Variants in UPF3B observed in about 807,000 individuals in gnomAD.
UPF3B encodes UPF3B regulator of nonsense mediated mRNA decay.
In UPF3B, 7 loss-of-function variants were observed where a neutral mutation model predicts 40.3. That is an observed-to-expected ratio of 0.17 (90% confidence interval 0.10 to 0.33). UPF3B has a LOEUF of 0.33. Ranked by LOEUF, UPF3B falls within the 10% of genes least tolerant of loss-of-function variation. The pLI is 1.00. For synonymous variants in UPF3B, 117 were observed against 117.3 expected (o/e 1.00, Z 0.01); for missense variants, 229 against 358.9 (o/e 0.64, Z 2.93).
chrX:119,826,066 C>T (rs1452442047), intron 3 of UPF3B, among the ~76,000 whole-genome samples: 1 of 112,058 alleles, frequency 8.9e-6, no homozygotes, highest in East Asian at 2.8e-4. Flanking sequence ...GAGGCTGAGG[C>T]AGGAGAATCG....
intron 4 of UPF3B, among the ~76,000 whole-genome samples, chrX:119,816,621 A>C (rs1175112929): frequency 9.0e-6 from 1 of 111,405 alleles, no homozygotes; most frequent in Non-Finnish European, 1.9e-5. Flanking sequence ...CTAGACAAAG[A>C]GGCAAGGATG....
At chrX:119,820,406 C>T (rs1000272529) in intron 4 of UPF3B, among the ~76,000 whole-genome samples, 4 of 108,605 alleles carry the variant, frequency 3.7e-5, no homozygotes, top group Non-Finnish European at 5.7e-5. Context: ...CTACCTCAGC[C>T]TCCCAAAGTG....
Position 119,834,297 on chromosome X carries a change from A to T in UPF3B, c.*581T>A. ...ATAAGCAAACAAAAAACTAAAACTA[A>T]TCCTAAAACTTTAGGACACTGGATA... On this transcript the variant is annotated 3_prime_UTR_variant, in exon 11 of 11. Transcript: ENST00000276201. 5.3e-6 allele frequency: 4 copies of T among 755,603 alleles called. No individual in the cohort carries two copies. Among genetic ancestry groups the T allele is most frequent in the Non-Finnish European group, 6.3e-6 (4 of 639,960 alleles). The allele number at this position is 755,603 out of a possible 1,213,427, so 62.3% of individuals were successfully genotyped here.
At chrX:119,838,683 T>C (rs990502314) in intron 8 of UPF3B, among the ~76,000 whole-genome samples, 156 bp from the exon 9 acceptor site, 5 of 111,618 alleles carry the variant, frequency 4.5e-5, no homozygotes, top group Non-Finnish European at 7.5e-5. Context: ...TGCATAAGAG[T>C]AGTAATTTAC....
intron 3 of UPF3B, chrX:119,823,076 C>T: frequency 2.8e-6 from 2 of 702,749 alleles, no homozygotes; most frequent in Non-Finnish European, 3.4e-6. Flanking sequence ...ACTGTTACAA[C>T]AATGCTACTA....
intron 3 of UPF3B, among the ~76,000 whole-genome samples, chrX:119,848,926 A>G (rs759478965): frequency 2.7e-5 from 3 of 111,702 alleles, no homozygotes; most frequent in Non-Finnish European, 5.6e-5. Context: ...ATATACCAGA[A>G]ACCACTGAAT....
rs2056320568 is a variant in UPF3B at position 119,852,920 on chromosome X, T to C, written c.9A>G (p.Glu3=). 1 of 1,212,346 alleles carries C rather than the reference T, an allele frequency of 8.2e-7. No individual in the cohort carries two copies. Among genetic ancestry groups the C allele is most frequent in the Non-Finnish European group, 1.1e-6 (1 of 895,598 alleles). The change falls in exon 1 of 11, where the codon GAA becomes GAG. Residue 3 remains glutamate (E), a synonymous_variant. Transcript: ENST00000276201. MK[E]EKEHRPKEKR... ...TCTCCTTAGGCCTGTGCTCCTTCTCTTCCTTCATGGCTACGTCCCCCGCTG... is the reference window on the plus strand; with the variant it reads ...TCTCCTTAGGCCTGTGCTCCTTCTCCTCCTTCATGGCTACGTCCCCCGCTG...
intron 6 of UPF3B, among the ~76,000 whole-genome samples, chrX:119,806,255 T>G (rs1313899902): frequency 1.1e-5 from 1 of 94,680 alleles, no homozygotes; most frequent in Admixed American, 1.2e-4. Flanking sequence ...ACACCGCATA[T>G]TCTCACTCAT....
Position 119,852,870 on chromosome X carries a change from G to A in UPF3B, c.59C>T (p.Ala20Val). ...KEKRVTLLTP[A>V]GATGSGGGTS... The stretch of plus-strand genomic sequence containing the variant: ...CCCACCACCGCTGCCTGTGGCCCCG[G>A]CGGGGGTTAACAGGGTTACTCGCTT... Residue 20 changes from alanine to valine, a missense_variant, in exon 1 of 11, where the codon GCC (alanine) becomes GTC (valine). By Grantham distance (64) the Ala-to-Val change is moderately conservative. This residue lies in a region of UPF3B where 23 missense variants were observed against 21.0 expected (regional missense o/e 1.10). Transcript: ENST00000276201. 8.2e-7 allele frequency: 1 copy of A among 1,212,369 alleles called. No individual in the cohort carries two copies. The highest frequency in any genetic ancestry group is 1.1e-6 in the Non-Finnish European group (1 of 895,627).
At chrX:119,815,362 G>T in intron 4 of UPF3B, 1 of 600,935 alleles carries the variant, frequency 1.7e-6, no homozygotes, top group Non-Finnish European at 2.0e-6. Context: ...GCTTTTACGT[G>T]GGATTTTCAA....
Position 119,838,405 on chromosome X carries a change from C to T in UPF3B, c.969G>A (p.Lys323=). The T allele has an allele frequency of 8.3e-7, 1 of 1,212,105 alleles. No individual in the cohort carries two copies. ...CATCTTTAAGTTCGCTATCAGAACGCTTGGGCAATGTACAACTTTGCCCAC... is the reference window on the plus strand; with the variant it reads ...CATCTTTAAGTTCGCTATCAGAACGTTTGGGCAATGTACAACTTTGCCCAC... ...RASGQSCTLP[K]RSDSELKDEK... The change falls in exon 9 of 11, where the codon AAG becomes AAA. Residue 323 remains lysine (K), a synonymous_variant. Coordinates refer to ENST00000276201, the MANE Select transcript of UPF3B (RefSeq NM_080632.3).
At chrX:119,811,295 C>T (rs1466937967) in intron 5 of UPF3B, among the ~76,000 whole-genome samples, 1 of 110,875 alleles carries the variant, frequency 9.0e-6, no homozygotes, top group Non-Finnish European at 1.9e-5. Context: ...CCACCTGCTT[C>T]GGCCTCCCAA....
rs140270125 is a variant in UPF3B, at chrX:119,805,312, T to C, written c.*135A>G. On this transcript the variant is annotated 3_prime_UTR_variant, in exon 7 of 7. Coordinates refer to the UPF3B transcript ENST00000636792. ...TAATAAACACACTTAGCTTCATACTTGAATGTTGTTACTATTTATTGACAT... is the reference window on the plus strand; with the variant it reads ...TAATAAACACACTTAGCTTCATACTCGAATGTTGTTACTATTTATTGACAT... 1.8e-3 allele frequency: 377 copies of C among 215,096 alleles called. 1 individual carries two copies. The highest frequency in any genetic ancestry group is 0.011 in the African/African-American group (360 of 33,728). The allele number at this position is 215,096 out of a possible 1,213,427, so 17.7% of individuals were successfully genotyped here.
chrX:119,842,595 C>CACACACAT (rs1556379976), intron 5 of UPF3B, among the ~76,000 whole-genome samples: 6 of 85,663 alleles, frequency 7.0e-5, no homozygotes, highest in African/African-American at 3.1e-4. Context: ...CACACACACA[C>CACACACAT]ACACACACAT....
At chrX:119,846,997 A>AT (rs1231105922) in intron 3 of UPF3B, among the ~76,000 whole-genome samples, 12 of 112,789 alleles carry the variant, frequency 1.1e-4, no homozygotes, top group Non-Finnish European at 2.1e-4. Flanking sequence ...CAAAGATAAT[A>AT]TACAAATGGC....
intron 5 of UPF3B, among the ~76,000 whole-genome samples, chrX:119,842,725 T>C (rs779546064): frequency 1.8e-5 from 2 of 110,909 alleles, no homozygotes; most frequent in South Asian, 7.6e-4. Context: ...GTAGAAATCC[T>C]GGGTCAAAGA....
downstream of UPF3B, chrX:119,831,676 T>C: frequency 1.3e-6 from 1 of 753,701 alleles, no homozygotes; most frequent in Non-Finnish European, 1.6e-6. Context: ...CTGGTGAGTA[T>C]CTATAGTTGG....
At chrX:119,813,708 C>T (rs1436119986) in intron 5 of UPF3B, among the ~76,000 whole-genome samples, 1 of 109,154 alleles carries the variant, frequency 9.2e-6, no homozygotes, top group South Asian at 3.9e-4. Context: ...ATTACAGGAG[C>T]GTGCCACCAT....
rs2056317820 is a variant in UPF3B, at chrX:119,852,759, G to A, written c.156+14C>T. 2.5e-6 allele frequency: 3 copies of A among 1,212,117 alleles called. No homozygotes were observed. The highest frequency in any genetic ancestry group is 3.3e-6 in the Non-Finnish European group (3 of 895,609). On this transcript the variant is annotated intron_variant, in intron 1 of 10. Coordinates refer to ENST00000276201, the MANE Select transcript of UPF3B (RefSeq NM_080632.3). ...TCGTCCCGCCCTCTCCCGGGCCAGC[G>A]GCCGACCGGGCACCTTGCTCAGCGC...
Sources: gnomAD v4.1 joint callset for allele counts (sites outside exome capture counted in the v4.1 genomes callset) on GRCh38, gnomAD v4.1.1 for gene constraint, gnomAD v4.1.1 regional missense constraint, MANE v1.5 for transcripts, NCBI Gene and HGNC (gene_info 2026-07-23, HGNC 2026-07-21) for gene names.